MAPK8IP3: variants seen among roughly 807,000 people sequenced by gnomAD.
MAPK8IP3 encodes C-Jun-amino-terminal kinase-interacting protein 3.
MAPK8IP3 carries 49 observed loss-of-function variants against 157.8 expected under a neutral mutation model. The ratio of observed to expected loss-of-function variants is 0.31; its 90% confidence interval spans 0.25 to 0.39. MAPK8IP3 has a LOEUF of 0.39. Among genes scored for constraint, MAPK8IP3 ranks in the 10% least tolerant of loss-of-function variants. MAPK8IP3 has a pLI of 1.00. For synonymous variants in MAPK8IP3, 897 were observed against 777.7 expected, an observed-to-expected ratio of 1.15 and a Z score of -2.55; for missense variants, 1,478 against 1,889.4, an observed-to-expected ratio of 0.78 and a Z score of 4.04.
chr16:1,736,297 C>CGACCGT (rs2039809901), intron 4 of MAPK8IP3, among the ~76,000 whole-genome samples: 1 of 51,560 alleles, frequency 1.9e-5, no homozygotes, highest in Non-Finnish European at 3.6e-5. Context: ...TCCGTGTGAC[C>CGACCGT]GTGAGCGTCC....
At chr16:1,736,787 T>G (rs2039917436) in intron 4 of MAPK8IP3, among the ~76,000 whole-genome samples, 1 of 65,732 alleles carries the variant, frequency 1.5e-5, no homozygotes, top group African/African-American at 7.5e-5. Flanking sequence ...ACCATCCGTG[T>G]GTGACCGTCC....
At chr16:1,718,892 T>C (rs143842253) in intron 1 of MAPK8IP3, among the ~76,000 whole-genome samples, 6 of 152,076 alleles carry the variant, frequency 3.9e-5, no homozygotes, top group African/African-American at 1.4e-4. Context: ...AGCCCTAGCA[T>C]CTTCTCACTG....
At chr16:1,759,309 G>A (rs533093339) in intron 10 of MAPK8IP3, among the ~76,000 whole-genome samples, 59 of 152,346 alleles carry the variant, frequency 3.9e-4, no homozygotes, top group African/African-American at 1.3e-3. Flanking sequence ...AATAGAGACA[G>A]CAGGCAGGAC....
intron 5 of MAPK8IP3, chr16:1,744,092 A>G (rs1054174071): frequency 4.1e-6 from 4 of 986,478 alleles, no homozygotes; most frequent in East Asian, 2.3e-4. Flanking sequence ...CGGTGAGTGC[A>G]CCTCAGAGCA....
intron 4 of MAPK8IP3, among the ~76,000 whole-genome samples, chr16:1,735,726 T>C (rs1481565369): frequency 8.4e-5 from 12 of 142,934 alleles, no homozygotes; most frequent in African/African-American, 1.9e-4. Flanking sequence ...CGTGTGACCG[T>C]CCATGTGAGA....
intron 4 of MAPK8IP3, among the ~76,000 whole-genome samples, chr16:1,738,750 ACCGT>A (rs1298315989): frequency 2.8e-5 from 3 of 106,356 alleles, no homozygotes; most frequent in East Asian, 3.1e-4. Flanking sequence ...AGCATCTGTG[ACCGT>A]CCGTGTGAGC....
At chr16:1,729,687 C>T (rs1274015929) in intron 4 of MAPK8IP3, 109 bp downstream of exon 4, 1 of 1,037,606 alleles carries the variant, frequency 9.6e-7, no homozygotes, top group Non-Finnish European at 1.4e-6. Flanking sequence ...GCGCTCTGGG[C>T]TCAGGACGAC....
At position 1,724,833 on chromosome 16, in the gene MAPK8IP3, G is replaced by C. The variant is rs906366227; in HGVS notation, c.439+156G>C. Among the ~76,000 whole-genome samples the C allele has an allele frequency of 6.6e-6, 1 of 152,234 alleles. No homozygotes were observed. Among genetic ancestry groups the C allele is most frequent in the African/African-American group, 2.4e-5 (1 of 41,460 alleles). The stretch of plus-strand genomic sequence containing the variant: ...ATTCCAGCTCTTTGTACTGCTGCCT[G>C]TTTCTGTAATGGGCCCCAGATTGTG... On this transcript the variant is annotated intron_variant, in intron 2 of 31. Coordinates refer to ENST00000610761, the MANE Select transcript of MAPK8IP3 (RefSeq NM_001318852.2). The surrounding 1 kb of genome is among the most constrained non-coding windows in gnomAD (Gnocchi z 4.1).
chr16:1,737,314 G>T (rs2040032193), intron 4 of MAPK8IP3, among the ~76,000 whole-genome samples: 1 of 106,706 alleles, frequency 9.4e-6, no homozygotes, highest in South Asian at 4.5e-4. Context: ...GCATCTGTGT[G>T]ACCGTCCGTG....
intron 8 of MAPK8IP3, chr16:1,752,383 C>T (rs1413736143): frequency 3.9e-6 from 1 of 256,334 alleles, no homozygotes; most frequent in Non-Finnish European, 8.0e-6. Flanking sequence ...GCTGGCACGA[C>T]AGGCTGCTCT....
At chr16:1,744,763 C>T (rs1224861661) in intron 5 of MAPK8IP3, 2 of 985,372 alleles carry the variant, frequency 2.0e-6, no homozygotes, top group African/African-American at 1.7e-5. Context: ...TTCCTTTCAC[C>T]TCCTGCGTTG....
intron 4 of MAPK8IP3, among the ~76,000 whole-genome samples, chr16:1,738,540 G>A (rs1262860135): frequency 7.6e-6 from 1 of 131,414 alleles, no homozygotes; most frequent in Admixed American, 8.1e-5. Context: ...GTGACTGTCC[G>A]TGTGAGCATC....
At chr16:1,721,738 G>C (rs2038537977) in intron 1 of MAPK8IP3, among the ~76,000 whole-genome samples, 1 of 151,984 alleles carries the variant, frequency 6.6e-6, no homozygotes. Flanking sequence ...ACCGCTCCGG[G>C]CCTATAAAAA....
chr16:1,725,722 A>G (rs559230169), intron 2 of MAPK8IP3, among the ~76,000 whole-genome samples: 1 of 152,182 alleles, frequency 6.6e-6, no homozygotes, highest in South Asian at 2.1e-4. Flanking sequence ...TTGGAGACAG[A>G]GTTTCGCTGT....
intron 4 of MAPK8IP3, among the ~76,000 whole-genome samples, chr16:1,738,731 A>C (rs2040310529): frequency 8.9e-6 from 1 of 112,614 alleles, no homozygotes; most frequent in East Asian, 3.0e-4. Flanking sequence ...GAGTGTGACC[A>C]CCCATGTGAG....
In MAPK8IP3 at chr16:1,763,702, C is replaced by T. The variant is rs755545536; in HGVS notation, c.1944C>T (p.Tyr648=). 10 of 1,596,750 alleles carry T rather than the reference C, an allele frequency of 6.3e-6. No individual in the cohort carries two copies. The highest frequency in any genetic ancestry group is 1.3e-5 in the African/African-American group (1 of 74,524). The change falls in exon 17 of 32, where the codon TAC becomes TAT. Residue 648 remains tyrosine, a synonymous_variant. Transcript: ENST00000610761. ...SARREQKREQ[Y]RQVREHVRND... ...GTCGAGAGCAGAAGCGCGAGCAGTA[C>T]CGCCAGGTGCGTGAGCACGTGCGTA...
In MAPK8IP3 at chr16:1,764,287, C is replaced by G. The variant is rs1166791917; in HGVS notation, c.2122-14C>G. 3 of 1,583,100 alleles carry G rather than the reference C, an allele frequency of 1.9e-6. No individual in the cohort carries two copies. Among genetic ancestry groups the G allele is most frequent in the Non-Finnish European group, 2.6e-6 (3 of 1,165,914 alleles). ...GAGTGCCGGTGACACCCGACCTCGG[C>G]CCTGCCCTTGCAGCTGTGGTGTGCC... On this transcript the variant is annotated splice_polypyrimidine_tract_variant and intron_variant, in intron 18 of 31. Coordinates refer to ENST00000610761, the MANE Select transcript of MAPK8IP3 (RefSeq NM_001318852.2).
intron 8 of MAPK8IP3, among the ~76,000 whole-genome samples, chr16:1,755,850 CAAAA>C (rs59789858): frequency 2.9e-5 from 2 of 69,262 alleles, no homozygotes; most frequent in Admixed American, 1.7e-4. Flanking sequence ...GAGTCTTTCT[CAAAA>C]AAAAAAAAAA....
Position 1,741,719 on chromosome 16 carries a change from C to T in MAPK8IP3, c.603-1613C>T, listed in dbSNP as rs576830358. On this transcript the variant is annotated intron_variant, in intron 4 of 31. Transcript: ENST00000610761. This position sits in a 1 kb window ranked among gnomAD's most constrained non-coding sequence, Gnocchi z 6.9. ...TGGGCCTGGTGGCTGGCTGCCTTCACGGTGGCCAGGGAACCTCATGGCTGT... is the reference window on the plus strand; with the variant it reads ...TGGGCCTGGTGGCTGGCTGCCTTCATGGTGGCCAGGGAACCTCATGGCTGT... 9.9e-5 allele frequency among the ~76,000 whole-genome samples: 15 copies of T among 152,214 alleles called. No individual in the cohort carries two copies. The highest frequency in any genetic ancestry group is 3.1e-4 in the African/African-American group (13 of 41,510).
Sources: gnomAD v4.1 joint callset for allele counts (sites outside exome capture counted in the v4.1 genomes callset) on GRCh38, gnomAD v4.1.1 for gene constraint, Gnocchi (gnomAD v3.1) non-coding constraint, MANE v1.5 for transcripts, NCBI Gene and HGNC (gene_info 2026-07-23, HGNC 2026-07-21) for gene names.